EBF4: variants seen among roughly 807,000 people sequenced by gnomAD.
EBF4 encodes the protein EBF transcription factor 4.
In EBF4, 34 loss-of-function variants were observed where a neutral mutation model predicts 67.1. The observed-to-expected ratio is 0.51, with a 90% CI of 0.39 to 0.67. EBF4 has a LOEUF of 0.67. Ranked by LOEUF, EBF4 falls within the 30% of genes least tolerant of loss-of-function variation. The pLI is 0.00. For synonymous variants in EBF4, 387 were observed against 377.7 expected (o/e 1.02, Z -0.29); for missense variants, 837 against 873.3 (o/e 0.96, Z 0.52).
intron 6 of EBF4, among the ~76,000 whole-genome samples, chr20:2,713,267 G>C (rs545016868): frequency 6.6e-6 from 1 of 152,196 alleles, no homozygotes; most frequent in African/African-American, 2.4e-5. Context: ...TTTTAGCTGG[G>C]AGCATAGACA....
intron 1 of EBF4, among the ~76,000 whole-genome samples, chr20:2,703,522 G>A (rs968763898): frequency 3.9e-5 from 6 of 152,006 alleles, no homozygotes; most frequent in Admixed American, 2.0e-4. Context: ...TCATTTAGCC[G>A]GGTGTGGAGG....
At chr20:2,722,846 G>A (rs1057004075) in intron 6 of EBF4, among the ~76,000 whole-genome samples, 1 of 152,180 alleles carries the variant, frequency 6.6e-6, no homozygotes, top group Non-Finnish European at 1.5e-5. Flanking sequence ...GAGCAGAAGT[G>A]TGTTTCTTAA....
Position 2,705,979 on chromosome 20 carries a change from CG to C in EBF4, c.304del (p.Ala102ArgfsTer99), listed in dbSNP as rs1247880715. 2 of 1,551,254 alleles carry C rather than the reference CG, an allele frequency of 1.3e-6. No homozygotes were observed. The highest frequency in any genetic ancestry group is 1.4e-5 in the African/African-American group (1 of 73,034). On this transcript the variant is annotated frameshift_variant, in exon 3 of 17. Coordinates refer to ENST00000609451, the Ensembl canonical transcript of EBF4. LOFTEE classifies it high-confidence loss of function. ...CTCCCATCTTGTCCCTGCAGGAGCC[CG>C]GGGCGGAAAAGACTAACAATGGGAT...
intron 5 of EBF4, among the ~76,000 whole-genome samples, chr20:2,709,004 G>A (rs1249616649): frequency 1.3e-5 from 2 of 152,052 alleles, no homozygotes; most frequent in Non-Finnish European, 2.9e-5. Flanking sequence ...TGGCCAACGT[G>A]GTGAAACCCC....
chr20:2,722,362 T>C (rs2087692561), intron 6 of EBF4, among the ~76,000 whole-genome samples: 1 of 152,200 alleles, frequency 6.6e-6, no homozygotes. Flanking sequence ...CAAGCACTAT[T>C]TTCATCCTTA....
At chr20:2,733,034 A>G (rs2087835090) in intron 6 of EBF4, among the ~76,000 whole-genome samples, 3 of 152,178 alleles carry the variant, frequency 2.0e-5, no homozygotes, top group South Asian at 4.1e-4. Context: ...GTTTCATTTC[A>G]GACTGAAGGA....
At position 2,707,708 on chromosome 20, in the gene EBF4, A is replaced by G. The variant is rs1300905780; in HGVS notation, c.415-239A>G. 6.6e-6 allele frequency among the ~76,000 whole-genome samples: 1 copy of G among 152,118 alleles called. No homozygotes were observed. The highest frequency in any genetic ancestry group is 1.5e-5 in the Non-Finnish European group (1 of 68,002). On this transcript the variant is annotated intron_variant, in intron 4 of 16. Transcript: ENST00000609451. The surrounding 1 kb of genome is among the most constrained non-coding windows in gnomAD (Gnocchi z 4.6). ...AGCAGAGCCAGCTCTGGAAAGAGCC[A>G]CCTACAGACAGACAGAATCTGCAGA...
At position 2,696,197 on chromosome 20, in the gene EBF4, C is replaced by A. The variant is rs149083510; in HGVS notation, c.137+2415C>A. Among the ~76,000 whole-genome samples, 1 of 152,180 alleles carries A rather than the reference C, an allele frequency of 6.6e-6. No homozygotes were observed. Among genetic ancestry groups the A allele is most frequent in the Non-Finnish European group, 1.5e-5 (1 of 68,032 alleles). On this transcript the variant is annotated intron_variant, in intron 1 of 16. Coordinates refer to ENST00000609451, the Ensembl canonical transcript of EBF4. The surrounding 1 kb of genome is among the most constrained non-coding windows in gnomAD (Gnocchi z 4.7). ...TTACAAATAAAGTGACCAGGCTGGG[C>A]GCGGTGGCTCACGCCTGTAATTCCA...
At chr20:2,759,151 G>C (rs2088288930) in intron 16 of EBF4, 117 bp from the exon 17 acceptor site, 1 of 685,868 alleles carries the variant, frequency 1.5e-6, no homozygotes, top group African/African-American at 1.8e-5. Context: ...ACAGCTTTCT[G>C]AGGTACTTGG....
chr20:2,700,877 C>T (rs1398592135), intron 1 of EBF4, among the ~76,000 whole-genome samples: 1 of 152,222 alleles, frequency 6.6e-6, no homozygotes, highest in East Asian at 1.9e-4. Context: ...CTCTCGAGTC[C>T]TATTCCCCGC....
In EBF4 at chr20:2,751,636, C is replaced by T. The variant is rs982904464; in HGVS notation, c.1019-64C>T. 2 of 1,504,170 alleles carry T rather than the reference C, an allele frequency of 1.3e-6. No individual in the cohort carries two copies. Among genetic ancestry groups the T allele is most frequent in the Non-Finnish European group, 1.8e-6 (2 of 1,106,298 alleles). 93.2% of individuals were successfully genotyped at this position (1,504,170 alleles called of 1,614,324 possible). A position where few individuals can be genotyped will look rare whatever the true frequency, so the allele number is the denominator to read the frequency against. On this transcript the variant is annotated intron_variant, in intron 10 of 16. Coordinates refer to ENST00000609451, the Ensembl canonical transcript of EBF4. This position sits in a 1 kb window ranked among gnomAD's most constrained non-coding sequence, Gnocchi z 5.2. ...GCGCTGGCCTGCTTTTGGCGCCCTG[C>T]GTCTCACCCTGGGAGTGGGGGGCTG...
At chr20:2,748,791 G>C (rs2088093046) in intron 7 of EBF4, among the ~76,000 whole-genome samples, 161 bp downstream of exon 7, 3 of 152,242 alleles carry the variant, frequency 2.0e-5, no homozygotes, top group Admixed American at 2.0e-4. Flanking sequence ...TGCCTGCTGG[G>C]GGTGGGGCAG....
rs1491476749 is a variant in EBF4 at position 2,711,178 on chromosome 20, TAA to T, written c.557+1539_557+1540del. Among the ~76,000 whole-genome samples, 981 of 140,800 alleles carry T rather than the reference TAA, an allele frequency of 7.0e-3. 12 individuals carry two copies. The highest frequency in any genetic ancestry group is 0.024 in the African/African-American group (916 of 37,634). 92.4% of individuals were successfully genotyped at this position (140,800 alleles called of 152,430 possible). On this transcript the variant is annotated intron_variant, in intron 6 of 16. Coordinates refer to ENST00000609451, the Ensembl canonical transcript of EBF4. ...ATAATAATAATAATAATAATAATAA[TAA>T]AATTAAATTAAAATTAAAATGGTGG...
At chr20:2,704,562 C>T (rs2087423965) in intron 1 of EBF4, among the ~76,000 whole-genome samples, 1 of 152,220 alleles carries the variant, frequency 6.6e-6, no homozygotes, top group African/African-American at 2.4e-5. Flanking sequence ...TTATTCTGCC[C>T]TTTTTCTTGT....
In EBF4 at chr20:2,696,489, TAAATAAAATA is replaced by T. The variant is rs537313122; in HGVS notation, c.137+2720_137+2729del. 2.0e-5 allele frequency among the ~76,000 whole-genome samples: 3 copies of T among 151,664 alleles called. No individual in the cohort carries two copies. The highest frequency in any genetic ancestry group is 2.1e-4 in the South Asian group (1 of 4,798). On this transcript the variant is annotated intron_variant, in intron 1 of 16. Coordinates refer to ENST00000609451, the Ensembl canonical transcript of EBF4. The surrounding 1 kb of genome is among the most constrained non-coding windows in gnomAD (Gnocchi z 4.7). ...TGTGCCTCAAAAATAAATAAGTAAA[TAAATAAAATA>T]AAATAAAATAAAGTGACCAACCCCC... is the stretch of plus-strand genomic sequence containing the variant.
chr20:2,750,091 C>A, intron 10 of EBF4, 118 bp downstream of exon 10: 18 of 1,398,390 alleles, frequency 1.3e-5, no homozygotes, highest in Non-Finnish European at 1.7e-5. Flanking sequence ...GGCCACGACC[C>A]CTAGACGGCC....
chr20:2,735,263 G>A (rs2087862570), intron 6 of EBF4, among the ~76,000 whole-genome samples: 1 of 152,198 alleles, frequency 6.6e-6, no homozygotes, highest in African/African-American at 2.4e-5. Context: ...AGCTTGTTGA[G>A]AGGCTCCAAA....
intron 6 of EBF4, among the ~76,000 whole-genome samples, chr20:2,720,424 A>AT (rs1445200932): frequency 6.6e-6 from 1 of 150,930 alleles, no homozygotes; most frequent in Non-Finnish European, 1.5e-5. Flanking sequence ...CTTTTTCTTC[A>AT]TTTTTTTTCC....
chr20:2,694,092 C>G (rs930118596), intron 1 of EBF4, among the ~76,000 whole-genome samples: 3 of 152,236 alleles, frequency 2.0e-5, no homozygotes, highest in African/African-American at 2.4e-5. Flanking sequence ...GAGCTCCCAG[C>G]CATGACCCAC....
Sources: allele counts gnomAD v4.1 joint callset (sites outside exome capture counted in the v4.1 genomes callset), GRCh38; gene constraint gnomAD v4.1.1; non-coding constraint Gnocchi (gnomAD v3.1); transcripts MANE v1.5; gene names NCBI Gene and HGNC (gene_info 2026-07-23, HGNC 2026-07-21).